Variants in ZNF385D observed in about 807,000 individuals in gnomAD.
ZNF385D encodes zinc finger protein 385D.
A neutral mutation model predicts 35.8 loss-of-function variants in ZNF385D; 15 were observed. The ratio of observed to expected loss-of-function variants is 0.42; its 90% CI spans 0.28 to 0.64. The LOEUF (loss-of-function observed/expected upper bound fraction) is 0.64, where lower values mean the gene tolerates loss of function less well. Among genes scored for constraint, ZNF385D ranks in the 30% least tolerant of loss-of-function variants. The pLI, the probability that ZNF385D is intolerant of heterozygous loss-of-function variation, is 0.23. For synonymous variants in ZNF385D, 212 were observed against 186.8 expected, an observed-to-expected ratio of 1.13 and a Z score of -1.10; for missense variants, 474 against 494.6, an observed-to-expected ratio of 0.96 and a Z score of 0.39.
At chr3:22,301,277 G>A (rs778840713) in intron 2 of ZNF385D, among the ~76,000 whole-genome samples, 1 of 152,020 alleles carries the variant, frequency 6.6e-6, no homozygotes, top group African/African-American at 2.4e-5. Context: ...AAGGATTGGA[G>A]TTTGGGGTGG....
At chr3:21,510,070 T>A (rs1474981873) in intron 4 of ZNF385D, among the ~76,000 whole-genome samples, 1 of 152,202 alleles carries the variant, frequency 6.6e-6, no homozygotes, top group African/African-American at 2.4e-5. Context: ...TGGAAAACAA[T>A]TGAGGTGTAA....
At chr3:22,301,193 A>T (rs1702881470) in intron 2 of ZNF385D, among the ~76,000 whole-genome samples, 1 of 152,086 alleles carries the variant, frequency 6.6e-6, no homozygotes, top group Non-Finnish European at 1.5e-5. Context: ...AAAGACAACT[A>T]CTGCATGACC....
chr3:21,664,525 CATT>C, intron 2 of ZNF385D, among the ~76,000 whole-genome samples: 1 of 152,262 alleles, frequency 6.6e-6, no homozygotes. Context: ...AGAAGAAACA[CATT>C]TTTAATTTTT....
chr3:21,947,224 G>C (rs1701834643), intron 3 of ZNF385D, among the ~76,000 whole-genome samples: 1 of 152,024 alleles, frequency 6.6e-6, no homozygotes, highest in Non-Finnish European at 1.5e-5. Flanking sequence ...AAATACAATA[G>C]CGAATTTACG....
At chr3:22,084,285 G>A (rs913568565) in intron 3 of ZNF385D, among the ~76,000 whole-genome samples, 3 of 152,128 alleles carry the variant, frequency 2.0e-5, no homozygotes, top group East Asian at 1.9e-4. Flanking sequence ...ACACAGACTG[G>A]CAAATTGGAT....
intron 3 of ZNF385D, among the ~76,000 whole-genome samples, chr3:21,960,203 T>TACACACACACACACGC (rs61528907): frequency 1.3e-5 from 2 of 149,372 alleles, no homozygotes; most frequent in Non-Finnish European, 3.0e-5. Flanking sequence ...TAAACAGCAA[T>TACACACACACACACGC]ACACACACAC....
chr3:21,625,745 A>C (rs1013471562), intron 2 of ZNF385D, among the ~76,000 whole-genome samples: 10 of 152,122 alleles, frequency 6.6e-5, no homozygotes, highest in Non-Finnish European at 1.3e-4. Flanking sequence ...ATTCAAATTG[A>C]ATTAAAACTA....
At chr3:22,032,245 T>G (rs906671552) in intron 3 of ZNF385D, among the ~76,000 whole-genome samples, 4 of 152,208 alleles carry the variant, frequency 2.6e-5, no homozygotes, top group Non-Finnish European at 5.9e-5. Flanking sequence ...AGATCCAAAG[T>G]GGCTCCCACA....
rs145961816 is a variant in ZNF385D, at chr3:22,218,657, G to T, written c.107-49622C>A. Among the ~76,000 whole-genome samples the T allele has an allele frequency of 2.8e-3, 423 of 152,122 alleles. 1 individual carries two copies. Among genetic ancestry groups the T allele is most frequent in the African/African-American group, 9.4e-3 (390 of 41,518 alleles). On this transcript the variant is annotated intron_variant, in intron 2 of 5. Transcript: ENST00000494108. Reference sequence around the variant, plus strand: ...TTGTTCCTCTCCTGCTGGCCCAGAAGGTTCTTAAGGCTTCCACTCTTCACT... The same window carrying T: ...TTGTTCCTCTCCTGCTGGCCCAGAATGTTCTTAAGGCTTCCACTCTTCACT...
intron 3 of ZNF385D, among the ~76,000 whole-genome samples, chr3:22,076,381 C>A (rs758615476): frequency 6.6e-6 from 1 of 151,912 alleles, no homozygotes; most frequent in Non-Finnish European, 1.5e-5. Flanking sequence ...GAATATTTCC[C>A]ATGGCCCATT....
intron 3 of ZNF385D, among the ~76,000 whole-genome samples, chr3:21,994,200 T>C (rs1196566485): frequency 6.6e-6 from 1 of 152,168 alleles, no homozygotes. Context: ...GCTTTGGTGT[T>C]AGTTGGGTCA....
intron 1 of ZNF385D, among the ~76,000 whole-genome samples, chr3:21,672,588 G>A (rs576293118): frequency 6.6e-5 from 10 of 152,056 alleles, no homozygotes; most frequent in Non-Finnish European, 1.3e-4. Flanking sequence ...CCATGTCAAT[G>A]GTCAGTGATT....
intron 2 of ZNF385D, among the ~76,000 whole-genome samples, chr3:21,572,551 A>G (rs928901126): frequency 2.6e-5 from 4 of 152,156 alleles, no homozygotes; most frequent in African/African-American, 9.7e-5. Context: ...ATTTCTACAC[A>G]GTGGTCTCTT....
chr3:22,208,561 G>T (rs1044208267), intron 2 of ZNF385D, among the ~76,000 whole-genome samples: 1 of 151,570 alleles, frequency 6.6e-6, no homozygotes, highest in African/African-American at 2.4e-5. Context: ...ATAAATAAAA[G>T]TATATAATTA....
chr3:22,221,509 T>C (rs982368266), intron 2 of ZNF385D, among the ~76,000 whole-genome samples: 1 of 152,172 alleles, frequency 6.6e-6, no homozygotes, highest in South Asian at 2.1e-4. Context: ...CTGAAAATCT[T>C]CACTAATTTT....
In ZNF385D at chr3:21,412,811, G is replaced by A. The variant is rs774621672; in HGVS notation, c.*8403C>T. On this transcript the variant is annotated 3_prime_UTR_variant, in exon 8 of 8. Coordinates refer to ENST00000281523, the MANE Select transcript of ZNF385D (RefSeq NM_024697.3). Reference sequence around the variant, plus strand: ...ACAGCTGCAAGTTTAACTTAGTACAGGACCACAGACAAGATAAACTGTGCT... The same window carrying A: ...ACAGCTGCAAGTTTAACTTAGTACAAGACCACAGACAAGATAAACTGTGCT... The A allele has an allele frequency of 6.6e-6, 1 of 151,966 alleles. No individual in the cohort carries two copies. The highest frequency in any genetic ancestry group is 1.5e-5 in the Non-Finnish European group (1 of 67,960). The allele number at this position is 151,966 out of a possible 1,614,324, so 9.4% of individuals were successfully genotyped here.
At chr3:22,296,769 C>T (rs1702605561) in intron 2 of ZNF385D, among the ~76,000 whole-genome samples, 1 of 152,054 alleles carries the variant, frequency 6.6e-6, no homozygotes, top group South Asian at 2.1e-4. Context: ...GTTGAGTTTC[C>T]CCACAGCATA....
At chr3:22,069,573 A>G (rs552739264) in intron 3 of ZNF385D, among the ~76,000 whole-genome samples, 2 of 152,334 alleles carry the variant, frequency 1.3e-5, no homozygotes, top group East Asian at 1.9e-4. Flanking sequence ...GGATGGCATA[A>G]GTATATCTGT....
chr3:22,156,548 CAAG>C (rs978372647), intron 3 of ZNF385D, among the ~76,000 whole-genome samples: 1 of 152,012 alleles, frequency 6.6e-6, no homozygotes, highest in Non-Finnish European at 1.5e-5. Context: ...GAAAATATAA[CAAG>C]AAGGAATCAC....
Sources: allele counts gnomAD v4.1 joint callset (sites outside exome capture counted in the v4.1 genomes callset), GRCh38; gene constraint gnomAD v4.1.1; transcripts MANE v1.5; gene names NCBI Gene and HGNC (gene_info 2026-07-23, HGNC 2026-07-21).